MCOLN2: variants seen among roughly 807,000 people sequenced by gnomAD.
MCOLN2 encodes the protein mucolipin-2.
MCOLN2 carries 57 observed loss-of-function variants against 67.5 expected under a neutral mutation model. The ratio of observed to expected loss-of-function variants is 0.84; its 90% confidence interval spans 0.68 to 1.05. The LOEUF is 1.05. Ranked by LOEUF, MCOLN2 falls within the 50% of genes least tolerant of loss-of-function variation. The probability of loss-of-function intolerance (pLI) is 0.00; values close to 1 mark genes in which losing one functional copy is unlikely to be tolerated. For synonymous variants in MCOLN2, 246 were observed against 233.3 expected (o/e 1.05, Z -0.50); for missense variants, 620 against 678.8 (o/e 0.91, Z 0.96).
In MCOLN2 at chr1:84,996,903, C is replaced by G; in HGVS notation, c.-31G>C. 1 of 1,598,642 alleles carries G rather than the reference C, an allele frequency of 6.3e-7. No individual in the cohort carries two copies. The highest frequency in any genetic ancestry group is 8.6e-7 in the Non-Finnish European group (1 of 1,166,010). The stretch of plus-strand genomic sequence containing the variant: ...CTCCTTCAAAACTTTCCAGGGCTCT[C>G]GGGATTCGGAACAGGAAACACCGTT... On this transcript the variant is annotated 5_prime_UTR_variant, in exon 1 of 14. Transcript: ENST00000370608.
intron 7 of MCOLN2, among the ~76,000 whole-genome samples, chr1:84,945,610 G>A (rs1648051162): frequency 1.3e-5 from 2 of 152,076 alleles, no homozygotes; most frequent in African/African-American, 4.8e-5. Context: ...CTGGTCAAAA[G>A]GAAAGTCATT....
chr1:84,965,705 A>G lies in MCOLN2; in HGVS notation c.81T>C (p.Asn27=). 1 of 1,610,512 alleles carries G rather than the reference A, an allele frequency of 6.2e-7. No homozygotes were observed. The highest frequency in any genetic ancestry group is 8.5e-7 in the Non-Finnish European group (1 of 1,178,882). ...GSGVFRLTVR[N]AMAHRDSEMK... ...TCTCAGAATCACGATGTGCCATTGCATTTCTGCCACAGAAGATTAATTTTA... is the reference window on the plus strand; with the variant it reads ...TCTCAGAATCACGATGTGCCATTGCGTTTCTGCCACAGAAGATTAATTTTA... The change falls in exon 2 of 14, where the codon AAT becomes AAC. Residue 27 remains asparagine, a synonymous_variant. Coordinates refer to ENST00000370608, the MANE Select transcript of MCOLN2 (RefSeq NM_153259.4).
chr1:84,946,019 G>T (rs1648084316), intron 7 of MCOLN2, among the ~76,000 whole-genome samples: 1 of 152,312 alleles, frequency 6.6e-6, no homozygotes, highest in African/African-American at 2.4e-5. Flanking sequence ...AAAGTGCTGG[G>T]ATTACAGGTG....
At chr1:84,934,431 C>A (rs1325277) in intron 11 of MCOLN2, among the ~76,000 whole-genome samples, 32,611 of 152,080 alleles carry the variant, frequency 0.21, 3,658 homozygotes, top group East Asian at 0.32. Context: ...GAAACCATAA[C>A]CTGCAATGGC....
intron 11 of MCOLN2, among the ~76,000 whole-genome samples, chr1:84,935,856 G>A (rs753382572): frequency 2.0e-5 from 3 of 152,238 alleles, no homozygotes; most frequent in East Asian, 1.9e-4. Context: ...TTTCCATGAG[G>A]TGACCTTGAC....
Position 84,937,831 on chromosome 1 carries a change from A to C in MCOLN2, c.1259T>G (p.Phe420Cys). The C allele has an allele frequency of 6.2e-7, 1 of 1,614,228 alleles. No homozygotes were observed. The change falls in exon 11 of 14, where the codon TTT becomes TGT. Residue 420 changes from phenylalanine (F) to cysteine (C), a missense_variant. Transcript: ENST00000370608. ...MQASLPKVLR[F>C]CACAGMIYLG... The stretch of plus-strand genomic sequence containing the variant: ...ATAAATCATACCAGCACAAGCACAA[A>C]ACCGAAGAACTTTTGGCAGTGAGGC...
intron 2 of MCOLN2, among the ~76,000 whole-genome samples, chr1:84,963,578 G>C (rs1381962948): frequency 6.6e-6 from 1 of 152,186 alleles, no homozygotes; most frequent in Non-Finnish European, 1.5e-5. Context: ...GCCTCCTGGT[G>C]ACAGGTGACT....
At position 84,947,026 on chromosome 1, in the gene MCOLN2, T is replaced by C. The variant is rs775038946; in HGVS notation, c.847+7A>G. 7.5e-7 allele frequency: 1 copy of C among 1,334,688 alleles called. No homozygotes were observed. Among genetic ancestry groups the C allele is most frequent in the Non-Finnish European group, 1.1e-6 (1 of 926,466 alleles). 82.7% of individuals were successfully genotyped at this position (1,334,688 alleles called of 1,614,324 possible). On this transcript the variant is annotated splice_region_variant and intron_variant, in intron 7 of 13. Coordinates refer to ENST00000370608, the MANE Select transcript of MCOLN2 (RefSeq NM_153259.4). ...AATTCCCATGGGCAAGTATATAGCA[T>C]ACTTACTAGATCCAAATATGTTCAA...
chr1:84,986,003 G>T (rs1385502235), intron 1 of MCOLN2, among the ~76,000 whole-genome samples: 1 of 152,064 alleles, frequency 6.6e-6, no homozygotes, highest in African/African-American at 2.4e-5. Flanking sequence ...TAAGCAAAAA[G>T]AACAAATCTG....
intron 13 of MCOLN2, among the ~76,000 whole-genome samples, chr1:84,926,933 A>G (rs12057637): frequency 6.6e-6 from 1 of 151,688 alleles, no homozygotes; most frequent in Non-Finnish European, 1.5e-5. Flanking sequence ...GGCAATGTAC[A>G]CTGTTTGAGG....
intron 1 of MCOLN2, among the ~76,000 whole-genome samples, chr1:84,967,356 A>G (rs1649432954): frequency 6.6e-6 from 1 of 152,236 alleles, no homozygotes; most frequent in African/African-American, 2.4e-5. Flanking sequence ...TGGTAAGGGT[A>G]AAGAATAAAT....
At chr1:84,989,720 G>A (rs1241120957) in intron 1 of MCOLN2, among the ~76,000 whole-genome samples, 2 of 152,050 alleles carry the variant, frequency 1.3e-5, no homozygotes, top group Non-Finnish European at 2.9e-5. Context: ...AAAGTTAAAA[G>A]ACAAAGAGAT....
intron 1 of MCOLN2, among the ~76,000 whole-genome samples, chr1:84,968,655 G>A (rs374968160): frequency 5.3e-5 from 8 of 152,130 alleles, no homozygotes; most frequent in African/African-American, 9.7e-5. Flanking sequence ...CTGTTGAGGC[G>A]CCTTAAGGCC....
At chr1:84,981,727 G>T (rs1488477993) in intron 1 of MCOLN2, among the ~76,000 whole-genome samples, 2 of 152,104 alleles carry the variant, frequency 1.3e-5, no homozygotes, top group African/African-American at 2.4e-5. Flanking sequence ...CAAAGAGAAA[G>T]AATGAATAAG....
At chr1:84,944,335 C>A (rs1379060292) in intron 7 of MCOLN2, among the ~76,000 whole-genome samples, 1 of 152,090 alleles carries the variant, frequency 6.6e-6, no homozygotes, top group African/African-American at 2.4e-5. Context: ...GAGTTCAAGA[C>A]CAGCCTGGCC....
intron 1 of MCOLN2, among the ~76,000 whole-genome samples, chr1:84,991,158 AAG>A (rs1650872236): frequency 6.6e-6 from 1 of 152,118 alleles, no homozygotes; most frequent in Admixed American, 6.5e-5. Flanking sequence ...TTCAAAAAGA[AAG>A]AGTCTGGTAT....
At chr1:84,946,105 A>G (rs1275701297) in intron 7 of MCOLN2, among the ~76,000 whole-genome samples, 1 of 152,152 alleles carries the variant, frequency 6.6e-6, no homozygotes, top group Non-Finnish European at 1.5e-5. Flanking sequence ...GACTGAGTAA[A>G]TGACTCAGCA....
intron 1 of MCOLN2, among the ~76,000 whole-genome samples, chr1:84,970,792 G>A (rs1649642092): frequency 6.6e-6 from 1 of 152,220 alleles, no homozygotes; most frequent in South Asian, 2.1e-4. Flanking sequence ...GATACAATGA[G>A]TTAAGAGTTA....
chr1:84,952,653 A>G, intron 4 of MCOLN2, 123 bp from the exon 5 acceptor site: 1 of 656,072 alleles, frequency 1.5e-6, no homozygotes, highest in South Asian at 1.8e-5. Flanking sequence ...CCTAGAAAAT[A>G]CTTAGCAATT....
Sources: allele counts gnomAD v4.1 joint callset (sites outside exome capture counted in the v4.1 genomes callset), GRCh38; gene constraint gnomAD v4.1.1; transcripts MANE v1.5; gene names NCBI Gene and HGNC (gene_info 2026-07-23, HGNC 2026-07-21).